Variants in ANKRD50 observed in about 807,000 individuals in gnomAD.
ANKRD50 encodes the protein ankyrin repeat domain-containing protein 50.
ANKRD50 carries 40 observed loss-of-function variants against 112.0 expected under a neutral mutation model. The ratio of observed to expected loss-of-function variants is 0.36; its 90% CI spans 0.28 to 0.46. The LOEUF is 0.46. ANKRD50 is among the 20% of genes least tolerant of loss of function. The pLI is 1.00. For missense variants in ANKRD50, 1,487 were observed against 1,701.7 expected (o/e 0.87, Z 2.22); for synonymous variants, 613 against 619.1 (o/e 0.99, Z 0.15).
intron 2 of ANKRD50, among the ~76,000 whole-genome samples, chr4:124,691,696 C>T (rs1406213207): frequency 6.6e-6 from 1 of 152,020 alleles, no homozygotes; most frequent in Non-Finnish European, 1.5e-5. Context: ...TAATTCTCTC[C>T]CCCTGGCCCT....
rs1002314384 is a variant in ANKRD50, at chr4:124,683,024, T to G, written c.513-4119A>C. Among the ~76,000 whole-genome samples the G allele has an allele frequency of 5.9e-5, 9 of 151,988 alleles. No homozygotes were observed. In the East Asian group the frequency reaches 1.5e-3, roughly 26 times the overall value. On this transcript the variant is annotated intron_variant, in intron 2 of 4. Coordinates refer to ENST00000504087, the MANE Select transcript of ANKRD50 (RefSeq NM_020337.3). ...TATATTTTGATAGATATTGCCAAAGTGATGCTGTCCTTATAAATTTTATAT... is the reference window on the plus strand; with the variant it reads ...TATATTTTGATAGATATTGCCAAAGGGATGCTGTCCTTATAAATTTTATAT...
chr4:124,683,050 A>AT (rs1724928647), intron 2 of ANKRD50, among the ~76,000 whole-genome samples: 1 of 151,850 alleles, frequency 6.6e-6, no homozygotes, highest in South Asian at 2.1e-4. Context: ...AATTTTATAT[A>AT]TATACACACA....
intron 2 of ANKRD50, among the ~76,000 whole-genome samples, chr4:124,682,504 T>A (rs1286825549): frequency 1.3e-5 from 2 of 152,144 alleles, no homozygotes; most frequent in African/African-American, 4.8e-5. Context: ...AATATTTGAA[T>A]ATAAGTGTCT....
intron 2 of ANKRD50, among the ~76,000 whole-genome samples, chr4:124,701,619 C>T (rs1027109419): frequency 2.0e-5 from 3 of 151,982 alleles, no homozygotes; most frequent in Admixed American, 6.5e-5. Context: ...GAAAATTATA[C>T]GGTCAAAGAC....
At chr4:124,673,290 C>T (rs1730701913) in intron 3 of ANKRD50, among the ~76,000 whole-genome samples, 1 of 152,040 alleles carries the variant, frequency 6.6e-6, no homozygotes. Context: ...TCATGATATA[C>T]AGATATGAAC....
In ANKRD50 at chr4:124,669,422, T is replaced by C. The variant is rs994632367; in HGVS notation, c.3855A>G (p.Lys1285=). 30 of 1,612,890 alleles carry C rather than the reference T, an allele frequency of 1.9e-5. No homozygotes were observed. Among genetic ancestry groups the C allele is most frequent in the Non-Finnish European group, 2.5e-5 (30 of 1,179,688 alleles). The change falls in exon 4 of 5, where the codon AAA becomes AAG. Residue 1285 remains lysine, a synonymous_variant. Transcript: ENST00000504087. ...GCTGTGAAGAATTACTTTGTTTCGC[T>C]TTTTTCCCAGCTGATCCAGACTTGG... ...NSAKSGSAGK[K]AKQSNSSQPK... is the part of the protein sequence containing the mutation.
intron 2 of ANKRD50, among the ~76,000 whole-genome samples, chr4:124,701,076 G>A (rs546035435): frequency 1.4e-4 from 22 of 152,250 alleles, no homozygotes; most frequent in Admixed American, 1.1e-3. Context: ...CAATTCTCCT[G>A]CCTCAGCCTC....
chr4:124,701,069 T>A (rs911258930), intron 2 of ANKRD50, among the ~76,000 whole-genome samples: 1 of 152,196 alleles, frequency 6.6e-6, no homozygotes, highest in Non-Finnish European at 1.5e-5. Flanking sequence ...GTTCAAGCAA[T>A]TCTCCTGCCT....
At chr4:124,675,680 A>G (rs1381878752) in intron 3 of ANKRD50, among the ~76,000 whole-genome samples, 1 of 151,838 alleles carries the variant, frequency 6.6e-6, no homozygotes, top group African/African-American at 2.4e-5. Flanking sequence ...TGGAGCCTGT[A>G]ATACTTTTAT....
At chr4:124,694,177 T>A (rs905822868) in intron 2 of ANKRD50, among the ~76,000 whole-genome samples, 4 of 152,142 alleles carry the variant, frequency 2.6e-5, no homozygotes, top group African/African-American at 9.7e-5. Flanking sequence ...AAATATTATC[T>A]ATGCATTTAC....
At chr4:124,690,656 G>A (rs112604062) in intron 2 of ANKRD50, among the ~76,000 whole-genome samples, 5,717 of 152,222 alleles carry the variant, frequency 0.038, 158 homozygotes, top group Middle Eastern at 0.065. Flanking sequence ...ACCATGCATG[G>A]TTTACTACAA....
intron 2 of ANKRD50, among the ~76,000 whole-genome samples, chr4:124,683,138 CAT>C (rs1171142212): frequency 4.6e-5 from 7 of 151,646 alleles, no homozygotes; most frequent in Non-Finnish European, 7.4e-5. Context: ...TTATCACACA[CAT>C]ATATATGTAT....
intron 2 of ANKRD50, among the ~76,000 whole-genome samples, chr4:124,691,593 A>G (rs1417616393): frequency 6.7e-6 from 1 of 148,502 alleles, no homozygotes; most frequent in Non-Finnish European, 1.5e-5. Flanking sequence ...TTTTTGGGTT[A>G]TGATCAGCGT....
At position 124,682,322 on chromosome 4, in the gene ANKRD50, C is replaced by CAAA. The variant is rs36107017; in HGVS notation, c.513-3420_513-3418dup. On this transcript the variant is annotated intron_variant, in intron 2 of 4. Coordinates refer to ENST00000504087, the MANE Select transcript of ANKRD50 (RefSeq NM_020337.3). ...TGGGCGACAGAGCAAGACTCCGTCT[C>CAAA]AAAAAAAAAAAAAAAAAAAAAAAAA... 4.9e-4 allele frequency among the ~76,000 whole-genome samples: 43 copies of CAAA among 87,574 alleles called. 1 individual carries two copies. The highest frequency in any genetic ancestry group is 1.2e-3 in the African/African-American group (27 of 22,116). The allele number at this position is 87,574 out of a possible 152,430, so 57.5% of individuals were successfully genotyped here.
intron 3 of ANKRD50, among the ~76,000 whole-genome samples, chr4:124,676,226 ATTCT>A (rs1730770703): frequency 2.0e-5 from 3 of 151,712 alleles, no homozygotes; most frequent in Non-Finnish European, 3.0e-5. Context: ...TAAACAGCAA[ATTCT>A]TTCTTATTTA....
intron 2 of ANKRD50, among the ~76,000 whole-genome samples, chr4:124,685,568 T>C (rs1724987130): frequency 6.6e-6 from 1 of 152,194 alleles, no homozygotes; most frequent in South Asian, 2.1e-4. Context: ...AATATTTATA[T>C]ACATGTATAT....
chr4:124,673,304 T>A (rs1262087287), intron 3 of ANKRD50, among the ~76,000 whole-genome samples: 1 of 152,144 alleles, frequency 6.6e-6, no homozygotes, highest in Admixed American at 6.6e-5. Context: ...TATGAACTTA[T>A]TAGACAATTG....
chr4:124,692,445 T>C (rs1055177273), intron 2 of ANKRD50, among the ~76,000 whole-genome samples: 9 of 152,278 alleles, frequency 5.9e-5, no homozygotes, highest in East Asian at 3.9e-4. Flanking sequence ...ACATATGTAA[T>C]GTATGTTAAT....
intron 2 of ANKRD50, among the ~76,000 whole-genome samples, chr4:124,681,589 GTAAATTA>G (rs1255974061): frequency 6.6e-6 from 1 of 152,196 alleles, no homozygotes; most frequent in Non-Finnish European, 1.5e-5. Flanking sequence ...ATATGAGAAA[GTAAATTA>G]TAAATTAGTA....
Sources: allele counts gnomAD v4.1 joint callset (sites outside exome capture counted in the v4.1 genomes callset), GRCh38; gene constraint gnomAD v4.1.1; transcripts MANE v1.5; gene names NCBI Gene and HGNC (gene_info 2026-07-23, HGNC 2026-07-21).